PHF21A: variants seen among roughly 807,000 people sequenced by gnomAD.
The protein encoded by PHF21A is PHD finger protein 21A.
PHF21A carries 11 observed loss-of-function variants against 82.5 expected under a neutral mutation model. That is an observed-to-expected ratio of 0.13 (90% CI 0.08 to 0.22). PHF21A has a LOEUF of 0.22. PHF21A is among the 10% of genes least tolerant of loss of function. The pLI is 1.00. For missense variants in PHF21A, 579 were observed against 837.8 expected (o/e 0.69, Z 3.81); for synonymous variants, 297 against 302.8 (o/e 0.98, Z 0.20).
intron 6 of PHF21A, among the ~76,000 whole-genome samples, chr11:46,059,346 T>C (rs1315106704): frequency 6.6e-6 from 1 of 152,182 alleles, no homozygotes; most frequent in Non-Finnish European, 1.5e-5. Context: ...TGAAGAATAA[T>C]TGAGAATGTA....
intron 11 of PHF21A, among the ~76,000 whole-genome samples, chr11:45,951,834 T>C (rs1339933058): frequency 1.4e-5 from 2 of 139,386 alleles, no homozygotes; most frequent in Admixed American, 1.5e-4. Context: ...TGAGGCGGAG[T>C]CTCACTCTGT....
At chr11:46,114,862 G>A (rs2097269022) in intron 1 of PHF21A, among the ~76,000 whole-genome samples, 1 of 152,140 alleles carries the variant, frequency 6.6e-6, no homozygotes, top group South Asian at 2.1e-4. Context: ...TATTCTCAAT[G>A]CAGCCAAAAC....
rs982719619 is a variant in PHF21A at position 46,000,358 on chromosome 11, A to C, written c.154-20392T>G. Among the ~76,000 whole-genome samples the C allele has an allele frequency of 7.2e-5, 11 of 152,206 alleles. No homozygotes were observed. The South Asian group carries it at 1.2e-3, about 17-fold the overall frequency. The stretch of plus-strand genomic sequence containing the variant: ...TTCATACTCTACTGAGAGTTGCAGG[A>C]TCTCTCTCATCAAGATATGATAGTA... On this transcript the variant is annotated intron_variant, in intron 6 of 18. Transcript: ENST00000676320.
At chr11:46,104,827 G>A (rs551256195) in intron 1 of PHF21A, among the ~76,000 whole-genome samples, 29 of 152,328 alleles carry the variant, frequency 1.9e-4, no homozygotes, top group Admixed American at 5.2e-4. Flanking sequence ...CAGCACGTAT[G>A]TGATACATCT....
intron 4 of PHF21A, among the ~76,000 whole-genome samples, chr11:46,082,267 C>T (rs1343210102): frequency 6.6e-6 from 1 of 152,190 alleles, no homozygotes; most frequent in South Asian, 2.1e-4. Flanking sequence ...TAATCTCATT[C>T]CCTAACTGGA....
rs758888131 is a variant in PHF21A at position 45,935,675 on chromosome 11, T to C, written c.1749A>G (p.Gln583=). 5.1e-6 allele frequency: 8 copies of C among 1,555,364 alleles called. No individual in the cohort carries two copies. Among genetic ancestry groups the C allele is most frequent in the South Asian group, 2.2e-5 (2 of 89,644 alleles). ...WSSDLKQERE[Q]LEQKVKQLSN... ...TGAGCTGTTTCACCTTTTGCTCTAGTTGTTCTCGTTCTTGTTTTAAATCTG... is the reference window on the plus strand; with the variant it reads ...TGAGCTGTTTCACCTTTTGCTCTAGCTGTTCTCGTTCTTGTTTTAAATCTG... The change falls in exon 18 of 19, where the codon CAA becomes CAG. Residue 583 remains glutamine, a synonymous_variant. Transcript: ENST00000676320.
chr11:45,994,410 T>C (rs77552714), intron 6 of PHF21A, among the ~76,000 whole-genome samples: 3,992 of 152,234 alleles, frequency 0.026, 134 homozygotes, highest in African/African-American at 0.078. Context: ...GAAATACCAT[T>C]ACAAACCACA....
chr11:46,106,394 T>C (rs2097152741), intron 1 of PHF21A, among the ~76,000 whole-genome samples: 1 of 152,146 alleles, frequency 6.6e-6, no homozygotes. Context: ...ATAAAGAAAA[T>C]AAACAGCACA....
At chr11:46,052,159 T>C (rs970765056) in intron 6 of PHF21A, among the ~76,000 whole-genome samples, 7 of 152,198 alleles carry the variant, frequency 4.6e-5, no homozygotes, top group Non-Finnish European at 1.5e-5. Context: ...CCATGCTCTA[T>C]GCTGGTACTT....
intron 6 of PHF21A, among the ~76,000 whole-genome samples, chr11:46,005,688 C>T (rs183979766): frequency 6.6e-6 from 1 of 152,208 alleles, no homozygotes; most frequent in African/African-American, 2.4e-5. Flanking sequence ...ATTAGGGGAA[C>T]CATCAGCACC....
chr11:46,120,162 G>C (rs1363494349), intron 1 of PHF21A, among the ~76,000 whole-genome samples: 1 of 149,344 alleles, frequency 6.7e-6, no homozygotes, highest in Non-Finnish European at 1.5e-5. Context: ...CACACACTGG[G>C]GCCCGGCAGC....
Position 45,966,425 on chromosome 11 carries a change from C to T in PHF21A, c.703-817G>A, listed in dbSNP as rs2093438207. On this transcript the variant is annotated intron_variant, in intron 9 of 18. Coordinates refer to ENST00000676320, the MANE Select transcript of PHF21A (RefSeq NM_001352027.3). Reference sequence around the variant, plus strand: ...CTCTCTAAATACTTCTAATATCTGTCTACTTCTATCCTCACTCCACTATCT... The same window carrying T: ...CTCTCTAAATACTTCTAATATCTGTTTACTTCTATCCTCACTCCACTATCT... 2.0e-5 allele frequency among the ~76,000 whole-genome samples: 3 copies of T among 152,072 alleles called. 1 individual carries two copies. The South Asian group carries it at 6.2e-4, about 32-fold the overall frequency.
In PHF21A at chr11:45,929,935, G is replaced by T. The variant is rs1401600608; in HGVS notation, c.*4033C>A. The stretch of plus-strand genomic sequence containing the variant: ...CCAGGGGTGCCCGGCAGAGGGACAG[G>T]GGCGAGGTTCACACAGAGCAAAGTT... On this transcript the variant is annotated 3_prime_UTR_variant, in exon 19 of 19. Coordinates refer to ENST00000676320, the MANE Select transcript of PHF21A (RefSeq NM_001352027.3). The T allele has an allele frequency of 1.3e-5, 2 of 152,230 alleles. No individual in the cohort carries two copies. The highest frequency in any genetic ancestry group is 2.9e-5 in the Non-Finnish European group (2 of 68,144). 9.4% of individuals were successfully genotyped at this position (152,230 alleles called of 1,614,324 possible).
chr11:46,004,437 G>A (rs1468793729), intron 6 of PHF21A, among the ~76,000 whole-genome samples: 3 of 152,122 alleles, frequency 2.0e-5, no homozygotes, highest in African/African-American at 4.8e-5. Context: ...GAGACACTGG[G>A]GAGTAGGGAA....
At chr11:45,970,103 AACCAC>A in intron 8 of PHF21A, 199 bp from the exon 9 acceptor site, 1 of 534,636 alleles carries the variant, frequency 1.9e-6, no homozygotes, top group South Asian at 2.2e-5. Flanking sequence ...AAAATGAACC[AACCAC>A]ACTTCTGTTT....
intron 6 of PHF21A, among the ~76,000 whole-genome samples, chr11:46,050,736 G>A (rs1240699540): frequency 6.6e-6 from 1 of 152,124 alleles, no homozygotes; most frequent in Non-Finnish European, 1.5e-5. Context: ...GAATTAATAA[G>A]ATTTTTAAAA....
At chr11:46,100,712 C>T (rs1053688824) in intron 1 of PHF21A, among the ~76,000 whole-genome samples, 2 of 152,186 alleles carry the variant, frequency 1.3e-5, no homozygotes, top group Non-Finnish European at 2.9e-5. Flanking sequence ...GGAATAATTA[C>T]ACCTGTGGGT....
chr11:46,101,899 G>A lies in PHF21A; in HGVS notation c.-236-9676C>T, dbSNP rs575954129. On this transcript the variant is annotated intron_variant, in intron 1 of 18. Coordinates refer to ENST00000676320, the MANE Select transcript of PHF21A (RefSeq NM_001352027.3). ...TTTAAATACGGAGTCTCGCTCTGTCGCCAGGCTGGAAGCAGTGGCGCAATC... is the reference window on the plus strand; with the variant it reads ...TTTAAATACGGAGTCTCGCTCTGTCACCAGGCTGGAAGCAGTGGCGCAATC... 9.5e-5 allele frequency among the ~76,000 whole-genome samples: 14 copies of A among 147,098 alleles called. No individual in the cohort carries two copies. In the East Asian group the frequency reaches 2.6e-3, roughly 27 times the overall value.
In PHF21A at chr11:45,938,238, A is replaced by G; in HGVS notation, c.1527T>C (p.Arg509=). 1 of 1,611,838 alleles carries G rather than the reference A, an allele frequency of 6.2e-7. No individual in the cohort carries two copies. The highest frequency in any genetic ancestry group is 8.5e-7 in the Non-Finnish European group (1 of 1,179,060). Residue 509 remains arginine (R), a synonymous_variant, in exon 16 of 19, where the codon CGT becomes CGC. Transcript: ENST00000676320. Reference sequence around the variant, plus strand: ...GGTCTAAGCAGTCCAAATGATATACACGGGAACATGTGTCGCACATCAGTA... The same window carrying G: ...GGTCTAAGCAGTCCAAATGATATACGCGGGAACATGTGTCGCACATCAGTA... ...GQLLMCDTCS[R]VYHLDCLDPP... is the part of the protein sequence containing the mutation.
Sources: allele counts gnomAD v4.1 joint callset (sites outside exome capture counted in the v4.1 genomes callset), GRCh38; gene constraint gnomAD v4.1.1; transcripts MANE v1.5; gene names NCBI Gene and HGNC (gene_info 2026-07-23, HGNC 2026-07-21).